Variants in KYNU observed in about 807,000 individuals in gnomAD.
KYNU encodes the protein kynureninase, also known as L-kynurenine hydrolase.
KYNU carries 54 observed loss-of-function variants against 59.2 expected under a neutral mutation model. That is an observed-to-expected ratio of 0.91 (90% confidence interval 0.73 to 1.14). KYNU has a LOEUF of 1.14. Ranked by LOEUF, KYNU falls within the 50% of genes most tolerant of loss-of-function variation. KYNU has a pLI of 0.00. For missense variants in KYNU, 567 were observed against 554.4 expected, an observed-to-expected ratio of 1.02 and a Z score of -0.23; for synonymous variants, 177 against 192.0, an observed-to-expected ratio of 0.92 and a Z score of 0.65.
At chr2:142,883,250 G>A (rs1330148811) in intron 1 of KYNU, among the ~76,000 whole-genome samples, 2 of 134,150 alleles carry the variant, frequency 1.5e-5, no homozygotes, top group African/African-American at 5.8e-5. Flanking sequence ...CTGGAGTGCA[G>A]TGGTGCAACC....
chr2:143,034,838 C>T (rs1280525828), intron 12 of KYNU, among the ~76,000 whole-genome samples: 2 of 152,134 alleles, frequency 1.3e-5, no homozygotes, highest in African/African-American at 2.4e-5. Flanking sequence ...TCAGAAGCAC[C>T]AGGACATACC....
chr2:142,893,294 C>A, intron 2 of KYNU, among the ~76,000 whole-genome samples: 1 of 152,094 alleles, frequency 6.6e-6, no homozygotes, highest in Admixed American at 6.6e-5. Context: ...CTAGAAAGAG[C>A]CAGAGACACA....
intron 8 of KYNU, among the ~76,000 whole-genome samples, chr2:142,975,828 C>A (rs1475766548): frequency 6.6e-6 from 1 of 152,132 alleles, no homozygotes; most frequent in South Asian, 2.1e-4. Context: ...TAAATCACTA[C>A]GTAAACATGT....
chr2:142,935,710 T>C lies in KYNU; in HGVS notation c.373+7969T>C, dbSNP rs555250927. Among the ~76,000 whole-genome samples the C allele has an allele frequency of 1.2e-4, 19 of 152,156 alleles. No individual in the cohort carries two copies. The South Asian group carries it at 3.9e-3, about 32-fold the overall frequency. On this transcript the variant is annotated intron_variant, in intron 4 of 13. Transcript: ENST00000264170. ...AATACCTTCAGTTCCTGCTACTTCCTGAAGTAAGGGTGGGTCATAGGCTAA... is the reference window on the plus strand; with the variant it reads ...AATACCTTCAGTTCCTGCTACTTCCCGAAGTAAGGGTGGGTCATAGGCTAA...
intron 1 of KYNU, among the ~76,000 whole-genome samples, chr2:142,880,592 C>G (rs569865491): frequency 6.6e-6 from 1 of 152,194 alleles, no homozygotes; most frequent in Non-Finnish European, 1.5e-5. Context: ...ATTTTAAATT[C>G]TAGCTCCTGT....
chr2:143,028,243 C>CTTTTTTTT lies in KYNU; in HGVS notation c.903-1371_903-1364dup, dbSNP rs754504556. Among the ~76,000 whole-genome samples the CTTTTTTTT allele has an allele frequency of 1.8e-3, 166 of 90,432 alleles. 1 individual carries two copies. The highest frequency in any genetic ancestry group is 2.4e-3 in the Admixed American group (14 of 5,924). The allele number at this position is 90,432 out of a possible 152,430, so 59.3% of individuals were successfully genotyped here. On this transcript the variant is annotated intron_variant, in intron 10 of 13. Coordinates refer to ENST00000264170, the MANE Select transcript of KYNU (RefSeq NM_003937.3). ...TTTTATGTCTGGCTTATTTTACATT[C>CTTTTTTTT]TTTTTTTTTTTTTTTTTTTTGAGAT...
At position 142,899,599 on chromosome 2, in the gene KYNU, G is replaced by C. The variant is rs371435836; in HGVS notation, c.169+14063G>C. 7.2e-5 allele frequency among the ~76,000 whole-genome samples: 11 copies of C among 152,268 alleles called. No individual in the cohort carries two copies. The East Asian group carries it at 1.4e-3, about 19-fold the overall frequency. On this transcript the variant is annotated intron_variant, in intron 2 of 13. Coordinates refer to ENST00000264170, the MANE Select transcript of KYNU (RefSeq NM_003937.3). Reference sequence around the variant, plus strand: ...GGCATAGTAGGGGTCGTGCAATTGAGATTTCCTCAGGAGGAGTGCCTTTGA... The same window carrying C: ...GGCATAGTAGGGGTCGTGCAATTGACATTTCCTCAGGAGGAGTGCCTTTGA...
intron 11 of KYNU, among the ~76,000 whole-genome samples, chr2:143,030,125 A>G (rs1225302491): frequency 1.3e-5 from 2 of 152,254 alleles, no homozygotes; most frequent in East Asian, 1.9e-4. Flanking sequence ...TGTGAATAAT[A>G]AAATCTATTT....
chr2:143,002,947 T>G (rs1285489030), intron 10 of KYNU, among the ~76,000 whole-genome samples: 1 of 152,200 alleles, frequency 6.6e-6, no homozygotes, highest in African/African-American at 2.4e-5. Context: ...GCCCTATGGT[T>G]GTAAACTATG....
intron 2 of KYNU, among the ~76,000 whole-genome samples, chr2:142,900,652 C>T (rs545415592): frequency 6.6e-5 from 10 of 152,282 alleles, no homozygotes; most frequent in South Asian, 6.2e-4. Context: ...AATTCTTAGT[C>T]GGCCTAGGAA....
rs2104931838 is a variant in KYNU at position 143,046,515 on chromosome 2, T to G, written c.*4343T>G. Reference sequence around the variant, plus strand: ...TTTCCCATATAGATAATTTATATTATTAATAATTCCTTCTATTTCATAAGC... The same window carrying G: ...TTTCCCATATAGATAATTTATATTAGTAATAATTCCTTCTATTTCATAAGC... On this transcript the variant is annotated 3_prime_UTR_variant, in exon 14 of 14. Transcript: ENST00000264170. 6.6e-6 allele frequency: 1 copy of G among 151,960 alleles called. No homozygotes were observed. The highest frequency in any genetic ancestry group is 3.4e-3 in the Middle Eastern group (1 of 294). 9.4% of individuals were successfully genotyped at this position (151,960 alleles called of 1,614,324 possible).
chr2:142,900,425 T>TA (rs1421187581), intron 2 of KYNU, among the ~76,000 whole-genome samples: 1 of 152,150 alleles, frequency 6.6e-6, no homozygotes, highest in Non-Finnish European at 1.5e-5. Context: ...CCAAAGAGGG[T>TA]AGCCATTGCC....
chr2:143,040,499 G>T lies in KYNU; in HGVS notation c.1113G>T (p.Leu371=). ...SVLLTGYLEY[L]IKHNYGKDKA... ...TGCTAACTGGCTATCTGGAATACCT[G>T]ATCAAGCATAACTATGGCAAAGATA... is the stretch of plus-strand genomic sequence containing the variant. The change falls in exon 13 of 14, where the codon CTG becomes CTT. Residue 371 remains leucine (L), a synonymous_variant. Transcript: ENST00000264170. The T allele has an allele frequency of 6.2e-7, 1 of 1,613,288 alleles. No homozygotes were observed. Among genetic ancestry groups the T allele is most frequent in the Non-Finnish European group, 8.5e-7 (1 of 1,179,518 alleles).
chr2:143,005,496 G>A (rs1327489473), intron 10 of KYNU, among the ~76,000 whole-genome samples: 1 of 152,204 alleles, frequency 6.6e-6, no homozygotes, highest in South Asian at 2.1e-4. Context: ...TATAATAGGA[G>A]TGAGAACTTG....
rs191913718 is a variant in KYNU at position 142,996,885 on chromosome 2, G to A, written c.902+10864G>A. ...TCTGGAAGATTCTCTTCCAGCTTTC[G>A]AATGCTGTCATTCTCAAGTGATAAA... On this transcript the variant is annotated intron_variant, in intron 10 of 13. Transcript: ENST00000264170. Among the ~76,000 whole-genome samples the A allele has an allele frequency of 3.5e-4, 53 of 152,180 alleles. No individual in the cohort carries two copies. In the East Asian group the frequency reaches 3.9e-3, roughly 11 times the overall value.
intron 12 of KYNU, among the ~76,000 whole-genome samples, chr2:143,040,187 T>A (rs1207425602): frequency 6.6e-6 from 1 of 152,080 alleles, no homozygotes; most frequent in Non-Finnish European, 1.5e-5. Flanking sequence ...ATTTTCTTCC[T>A]TTGCAAGTTT....
intron 10 of KYNU, among the ~76,000 whole-genome samples, chr2:143,012,807 C>T (rs533439708): frequency 6.6e-6 from 1 of 152,238 alleles, no homozygotes; most frequent in South Asian, 2.1e-4. Flanking sequence ...TGGACTTGTT[C>T]ATCCTGCATA....
At chr2:142,965,909 C>CT (rs980541503) in intron 8 of KYNU, among the ~76,000 whole-genome samples, 1 of 152,008 alleles carries the variant, frequency 6.6e-6, no homozygotes, top group African/African-American at 2.4e-5. Context: ...CTCCTTTTTC[C>CT]TTTTTTTCTA....
Position 143,042,432 on chromosome 2 carries a change from G to A in KYNU, c.*260G>A, listed in dbSNP as rs1340560684. ...ATTATCTATACAGTCTCTATAAGCT[G>A]TCACATTTCATGGTCATTGAAATGT... On this transcript the variant is annotated 3_prime_UTR_variant, in exon 14 of 14. Coordinates refer to ENST00000264170, the MANE Select transcript of KYNU (RefSeq NM_003937.3). 2.7e-5 allele frequency: 7 copies of A among 260,916 alleles called. No individual in the cohort carries two copies. The highest frequency in any genetic ancestry group is 5.1e-5 in the Admixed American group (1 of 19,636). 16.2% of individuals were successfully genotyped at this position (260,916 alleles called of 1,614,324 possible).
Sources: gnomAD v4.1 joint callset for allele counts (sites outside exome capture counted in the v4.1 genomes callset) on GRCh38, gnomAD v4.1.1 for gene constraint, MANE v1.5 for transcripts, NCBI Gene and HGNC (gene_info 2026-07-23, HGNC 2026-07-21) for gene names.